The following ZNF569 variants were observed in gnomAD, a reference collection of about 807,000 sequenced individuals.
The protein encoded by ZNF569 is DNA-binding protein.
A neutral mutation model predicts 56.3 loss-of-function variants in ZNF569; 38 were observed. The ratio of observed to expected loss-of-function variants is 0.68; its 90% confidence interval spans 0.52 to 0.88. ZNF569 has a LOEUF of 0.88. Ranked by LOEUF, ZNF569 falls within the 40% of genes least tolerant of loss-of-function variation. The pLI, the probability that ZNF569 is intolerant of heterozygous loss-of-function variation, is 0.00. For synonymous variants in ZNF569, 241 were observed against 262.9 expected (o/e 0.92, Z 0.81); for missense variants, 666 against 809.2 (o/e 0.82, Z 2.15).
intron 5 of ZNF569, among the ~76,000 whole-genome samples, chr19:37,425,177 G>A (rs1053837656): frequency 6.6e-6 from 1 of 151,562 alleles, no homozygotes; most frequent in African/African-American, 2.4e-5. Context: ...TTTGAGACAG[G>A]GTCTCACTCC....
At chr19:37,423,725 C>G (rs963121544) in intron 5 of ZNF569, among the ~76,000 whole-genome samples, 1 of 152,016 alleles carries the variant, frequency 6.6e-6, no homozygotes, top group East Asian at 1.9e-4. Context: ...GAAACAAGGG[C>G]AAAGGATACC....
Position 37,445,030 on chromosome 19 carries a change from G to C in ZNF569, c.-43-66C>G. On this transcript the variant is annotated intron_variant, in intron 2 of 5. Transcript: ENST00000316950. ...TAGTTTCAGAAACATGCACACACAGGGTGGATTAAAGGTCACCCTGTAGTG... is the reference window on the plus strand; with the variant it reads ...TAGTTTCAGAAACATGCACACACAGCGTGGATTAAAGGTCACCCTGTAGTG... 4 of 1,309,666 alleles carry C rather than the reference G, an allele frequency of 3.1e-6. No homozygotes were observed. In the South Asian group the frequency reaches 5.4e-5, roughly 18 times the overall value. The allele number at this position is 1,309,666 out of a possible 1,614,324, so 81.1% of individuals were successfully genotyped here. A position where few individuals can be genotyped will look rare whatever the true frequency, so the allele number is the denominator to read the frequency against.
At chr19:37,435,090 G>A (rs977911466) in intron 3 of ZNF569, among the ~76,000 whole-genome samples, 3 of 151,944 alleles carry the variant, frequency 2.0e-5, no homozygotes, top group Middle Eastern at 3.2e-3. Flanking sequence ...ACGCCACTAC[G>A]CTCCAGCCTG....
In ZNF569 at chr19:37,413,349, G is replaced by A; in HGVS notation, c.1309C>T (p.Pro437Ser). Reference protein sequence around the residue: ...THQKIHTREKPYECNECGKAF... With the variant: ...THQKIHTREKSYECNECGKAF... ...TTCCCACATTCATTACACTCATAAG[G>A]TTTCTCTCTAGTATGAATTTTCTGG... The change falls in exon 6 of 6, where the codon CCT becomes TCT. Residue 437 changes from proline to serine, a missense_variant. Transcript: ENST00000316950. The A allele has an allele frequency of 6.2e-7, 1 of 1,608,020 alleles. No individual in the cohort carries two copies. Among genetic ancestry groups the A allele is most frequent in the Middle Eastern group, 1.7e-4 (1 of 5,998 alleles).
At chr19:37,452,313 G>A (rs576268692) in intron 2 of ZNF569, among the ~76,000 whole-genome samples, 23 of 152,104 alleles carry the variant, frequency 1.5e-4, no homozygotes, top group South Asian at 1.2e-3. Context: ...AACTTTCATA[G>A]TAGAATTAAA....
intron 5 of ZNF569, among the ~76,000 whole-genome samples, chr19:37,420,632 T>A (rs1369930588): frequency 6.6e-6 from 1 of 152,206 alleles, no homozygotes; most frequent in Non-Finnish European, 1.5e-5. Flanking sequence ...CTTCTCTTGC[T>A]AGTTGCACAT....
In ZNF569 at chr19:37,411,420, C is replaced by A. The variant is rs963386100; in HGVS notation, c.*1177G>T. 3.3e-5 allele frequency: 5 copies of A among 152,044 alleles called. No homozygotes were observed. Among genetic ancestry groups the A allele is most frequent in the African/African-American group, 9.7e-5 (4 of 41,406 alleles). The allele number at this position is 152,044 out of a possible 1,614,324, so 9.4% of individuals were successfully genotyped here. ...TGTTTCTAAATTCTGTATTTTATCACAGAAATGATCACACTTATTCATCTA... is the reference window on the plus strand; with the variant it reads ...TGTTTCTAAATTCTGTATTTTATCAAAGAAATGATCACACTTATTCATCTA... On this transcript the variant is annotated 3_prime_UTR_variant, in exon 6 of 6. Transcript: ENST00000316950.
At chr19:37,444,081 G>A (rs1034421028) in intron 3 of ZNF569, among the ~76,000 whole-genome samples, 2 of 151,984 alleles carry the variant, frequency 1.3e-5, no homozygotes, top group Admixed American at 1.3e-4. Context: ...GAGTAATGTG[G>A]TAAAATGGAC....
intron 5 of ZNF569, among the ~76,000 whole-genome samples, chr19:37,424,814 T>TAAA (rs1336599460): frequency 4.7e-4 from 20 of 42,190 alleles, no homozygotes; most frequent in African/African-American, 2.6e-3. Flanking sequence ...AGACTCTGTC[T>TAAA]CAAAAAAAAA....
intron 3 of ZNF569, among the ~76,000 whole-genome samples, chr19:37,429,772 T>G (rs1324787218): frequency 2.0e-5 from 3 of 152,198 alleles, no homozygotes. Flanking sequence ...AACTCCCCTT[T>G]GGCCTGGCTG....
At chr19:37,441,405 C>T (rs1422636988) in intron 3 of ZNF569, among the ~76,000 whole-genome samples, 1 of 152,168 alleles carries the variant, frequency 6.6e-6, no homozygotes, top group Non-Finnish European at 1.5e-5. Context: ...CCTGTAATCC[C>T]AACACTTTGG....
At chr19:37,431,279 G>A (rs2041220958) in intron 3 of ZNF569, among the ~76,000 whole-genome samples, 1 of 152,144 alleles carries the variant, frequency 6.6e-6, no homozygotes. Flanking sequence ...CGCAGCTCCA[G>A]GAGAGACCCC....
chr19:37,436,223 A>G (rs1272042473), intron 3 of ZNF569, among the ~76,000 whole-genome samples: 1 of 152,132 alleles, frequency 6.6e-6, no homozygotes, highest in East Asian at 1.9e-4. Flanking sequence ...ATAAAACAAC[A>G]TGCTCCTGAA....
chr19:37,460,081 A>G (rs2041732999), intron 2 of ZNF569, among the ~76,000 whole-genome samples: 2 of 152,244 alleles, frequency 1.3e-5, no homozygotes, highest in South Asian at 4.1e-4. Context: ...CTATTTGCAT[A>G]CGAAGCAAAT....
intron 2 of ZNF569, among the ~76,000 whole-genome samples, chr19:37,459,452 G>A (rs899080920): frequency 1.1e-4 from 16 of 152,098 alleles, no homozygotes; most frequent in African/African-American, 3.6e-4. Context: ...CACCAACCTA[G>A]AATTCTCTCT....
At chr19:37,434,989 G>C (rs1289136268) in intron 3 of ZNF569, among the ~76,000 whole-genome samples, 1 of 152,276 alleles carries the variant, frequency 6.6e-6, no homozygotes, top group South Asian at 2.1e-4. Context: ...CTGTTTGGTG[G>C]TCTCTTCACA....
chr19:37,441,733 GAC>G, intron 3 of ZNF569, among the ~76,000 whole-genome samples: 1 of 152,012 alleles, frequency 6.6e-6, no homozygotes, highest in East Asian at 1.9e-4. Context: ...TCTAGAGAAT[GAC>G]AGATTCAGAG....
intron 2 of ZNF569, among the ~76,000 whole-genome samples, chr19:37,448,665 G>T (rs946696141): frequency 6.9e-6 from 1 of 144,650 alleles, no homozygotes; most frequent in Non-Finnish European, 1.5e-5. Context: ...CCGGGTTCAC[G>T]CCTTTCTCCT....
At chr19:37,433,698 G>A (rs778519414) in intron 3 of ZNF569, among the ~76,000 whole-genome samples, 11 of 152,008 alleles carry the variant, frequency 7.2e-5, no homozygotes, top group South Asian at 2.1e-4. Context: ...AGAGTGGCAC[G>A]ACATATTTAC....
Sources: allele counts gnomAD v4.1 joint callset (sites outside exome capture counted in the v4.1 genomes callset), GRCh38; gene constraint gnomAD v4.1.1; transcripts MANE v1.5; gene names NCBI Gene and HGNC (gene_info 2026-07-23, HGNC 2026-07-21).